Variants in PDE4D observed in about 807,000 individuals in gnomAD.
The protein encoded by PDE4D is 3',5'-cyclic-AMP phosphodiesterase 4D.
PDE4D carries 24 observed loss-of-function variants against 87.4 expected under a neutral mutation model. That is an observed-to-expected ratio of 0.27 (90% CI 0.20 to 0.39). PDE4D has a LOEUF of 0.39. PDE4D is among the 10% of genes least tolerant of loss of function. The pLI is 1.00. For missense variants in PDE4D, 714 were observed against 1,041.0 expected (o/e 0.69, Z 4.32); for synonymous variants, 384 against 383.2 (o/e 1.00, Z -0.02).
In PDE4D at chr5:59,624,189, C is replaced by T. The variant is rs142889301; in HGVS notation, c.455+268979G>A. On this transcript the variant is annotated intron_variant, in intron 1 of 14. Coordinates refer to ENST00000340635, the MANE Select transcript of PDE4D (RefSeq NM_001104631.2). ...TTTCCAGACTAAATGGATCCATGCACGCTCTTAATTCTATCCCCATTCTAT... is the reference window on the plus strand; with the variant it reads ...TTTCCAGACTAAATGGATCCATGCATGCTCTTAATTCTATCCCCATTCTAT... Among the ~76,000 whole-genome samples, 550 of 152,252 alleles carry T rather than the reference C, an allele frequency of 3.6e-3. 2 individuals carry two copies. Among genetic ancestry groups the T allele is most frequent in the Middle Eastern group, 0.01 (3 of 294 alleles).
At chr5:59,228,875 G>T (rs1754469628) in intron 1 of PDE4D, among the ~76,000 whole-genome samples, 1 of 151,980 alleles carries the variant, frequency 6.6e-6, no homozygotes, top group Non-Finnish European at 1.5e-5. Flanking sequence ...CCTCCCCAGG[G>T]CCTTTGGATT....
At chr5:59,318,815 C>A (rs1226795003) in intron 1 of PDE4D, among the ~76,000 whole-genome samples, 2 of 151,938 alleles carry the variant, frequency 1.3e-5, no homozygotes, top group Non-Finnish European at 2.9e-5. Flanking sequence ...ACGTAAGCAG[C>A]CCCTTTCTGC....
intron 1 of PDE4D, among the ~76,000 whole-genome samples, chr5:60,410,521 G>A (rs1405059651): frequency 6.6e-6 from 1 of 152,182 alleles, no homozygotes; most frequent in Non-Finnish European, 1.5e-5. Context: ...GTTTGCTCAG[G>A]AGGAAGATCA....
At chr5:60,195,836 C>T (rs1387309308) in intron 1 of PDE4D, among the ~76,000 whole-genome samples, 4 of 151,698 alleles carry the variant, frequency 2.6e-5, no homozygotes, top group African/African-American at 7.2e-5. Flanking sequence ...CTTGTGAACA[C>T]TTCTCTTTAA....
intron 1 of PDE4D, among the ~76,000 whole-genome samples, chr5:59,252,668 T>C (rs1760191484): frequency 6.6e-6 from 1 of 152,010 alleles, no homozygotes; most frequent in South Asian, 2.1e-4. Flanking sequence ...ACTACAGGTG[T>C]GTGCAACCAC....
rs1742779838 is a variant in PDE4D, at chr5:58,972,439, G to C, written c.*2225C>G. 2 of 152,390 alleles carry C rather than the reference G, an allele frequency of 1.3e-5. No individual in the cohort carries two copies. The highest frequency in any genetic ancestry group is 4.1e-4 in the South Asian group (2 of 4,820). 9.4% of individuals were successfully genotyped at this position (152,390 alleles called of 1,614,324 possible). A position where few individuals can be genotyped will look rare whatever the true frequency, so the allele number is the denominator to read the frequency against. On this transcript the variant is annotated 3_prime_UTR_variant, in exon 15 of 15. Transcript: ENST00000340635. ...TAAAGACATAATTTTTATTTCAAAG[G>C]ATCTAAGCATCAGCTAGATCTCAGG...
chr5:59,573,832 T>C (rs1398758802), intron 1 of PDE4D, among the ~76,000 whole-genome samples: 1 of 150,550 alleles, frequency 6.6e-6, no homozygotes, highest in African/African-American at 2.5e-5. Flanking sequence ...ACCCCATCTT[T>C]ACTAAAAATA....
intron 2 of PDE4D, among the ~76,000 whole-genome samples, chr5:60,045,887 T>C (rs906355843): frequency 2.1e-4 from 32 of 152,184 alleles, no homozygotes; most frequent in Non-Finnish European, 2.8e-4. Context: ...TAGTTTTTTT[T>C]CCAATTCTGT....
At chr5:59,004,136 T>A (rs2055295) in intron 6 of PDE4D, among the ~76,000 whole-genome samples, 30,682 of 150,114 alleles carry the variant, frequency 0.2, 3,506 homozygotes, top group East Asian at 0.54. Context: ...TACATAGATT[T>A]AAAAAAAAAA....
intron 5 of PDE4D, among the ~76,000 whole-genome samples, chr5:59,113,974 C>T (rs1580865073): frequency 1.3e-5 from 2 of 152,140 alleles, no homozygotes; most frequent in East Asian, 3.8e-4. Context: ...TCTCTCCTCC[C>T]TTTCCAAGAG....
intron 1 of PDE4D, among the ~76,000 whole-genome samples, chr5:59,255,634 G>A (rs1760829743): frequency 6.6e-6 from 1 of 152,082 alleles, no homozygotes; most frequent in African/African-American, 2.4e-5. Flanking sequence ...AACACAAGAA[G>A]CTTCTCTATG....
chr5:59,638,676 A>C (rs892434907), intron 1 of PDE4D, among the ~76,000 whole-genome samples: 3 of 151,408 alleles, frequency 2.0e-5, no homozygotes, highest in African/African-American at 7.3e-5. Context: ...ACGTGTGAAC[A>C]CAGTTTTTTG....
At chr5:59,380,402 AAAAAG>A (rs1210920598) in intron 1 of PDE4D, among the ~76,000 whole-genome samples, 1 of 150,350 alleles carries the variant, frequency 6.7e-6, no homozygotes, top group East Asian at 1.9e-4. Flanking sequence ...AAAAAAAAAA[AAAAAG>A]AGAGAGAAAG....
At chr5:59,771,466 A>AAAGAGAGAGAG (rs1561637054) in intron 1 of PDE4D, among the ~76,000 whole-genome samples, 1 of 76,444 alleles carries the variant, frequency 1.3e-5, no homozygotes, top group African/African-American at 5.9e-5. Flanking sequence ...AGAAAGAAAG[A>AAAGAGAGAGAG]AAGAAAGAAA....
At chr5:60,210,589 A>T (rs1439676425) in intron 1 of PDE4D, among the ~76,000 whole-genome samples, 1 of 152,096 alleles carries the variant, frequency 6.6e-6, no homozygotes, top group Non-Finnish European at 1.5e-5. Context: ...GGAAACAAAA[A>T]TATCTCTGAA....
rs141454182 is a variant in PDE4D at position 59,229,161 on chromosome 5, A to G, written c.456-13193T>C. Among the ~76,000 whole-genome samples the G allele has an allele frequency of 6.6e-3, 998 of 152,276 alleles. 18 individuals carry two copies. Among genetic ancestry groups the G allele is most frequent in the African/African-American group, 0.023 (943 of 41,546 alleles). On this transcript the variant is annotated intron_variant, in intron 1 of 14. Coordinates refer to ENST00000340635, the MANE Select transcript of PDE4D (RefSeq NM_001104631.2). The stretch of plus-strand genomic sequence containing the variant: ...TGCAGAGATTTTTTTTTAAAAATCT[A>G]CTTTGTTCGTTAATGTGTCCCCCAG...
At chr5:59,825,968 G>GTGC (rs1469407264) in intron 1 of PDE4D, among the ~76,000 whole-genome samples, 1 of 152,180 alleles carries the variant, frequency 6.6e-6, no homozygotes, top group Non-Finnish European at 1.5e-5. Context: ...AAGATCCCCT[G>GTGC]TGCTCATGGC....
intron 1 of PDE4D, among the ~76,000 whole-genome samples, chr5:59,312,034 C>G (rs1772774494): frequency 6.6e-6 from 1 of 152,282 alleles, no homozygotes; most frequent in Non-Finnish European, 1.5e-5. Flanking sequence ...GGATCCTCCC[C>G]CTATTTATCC....
At chr5:60,284,386 C>T (rs1752218380) in intron 1 of PDE4D, among the ~76,000 whole-genome samples, 2 of 152,138 alleles carry the variant, frequency 1.3e-5, no homozygotes, top group African/African-American at 2.4e-5. Context: ...TGTGGAAACT[C>T]CCAGGAAGTT....
Sources: allele counts gnomAD v4.1 joint callset (sites outside exome capture counted in the v4.1 genomes callset), GRCh38; gene constraint gnomAD v4.1.1; transcripts MANE v1.5; gene names NCBI Gene and HGNC (gene_info 2026-07-23, HGNC 2026-07-21).